GARIN4: variants seen among roughly 807,000 people sequenced by gnomAD.
GARIN4 encodes the protein Golgi-associated RAB2 interactor protein 4.
At chr1:212,626,429 G>T in the GARIN4 span, 1 of 1,614,196 alleles carries the variant, frequency 6.2e-7, no homozygotes, top group Non-Finnish European at 8.5e-7. Flanking sequence ...CACCAGTTCC[G>T]GTTCCAGCAA....
At chr1:212,624,858 C>A in the GARIN4 span, 50 of 1,553,452 alleles carry the variant, frequency 3.2e-5, 1 homozygote, top group Admixed American at 9.1e-4. Context: ...CCAGTGCTGC[C>A]GTTGTGCTGA....
the GARIN4 span, chr1:212,625,634 A>G: frequency 6.2e-7 from 1 of 1,614,196 alleles, no homozygotes; most frequent in Non-Finnish European, 8.5e-7. Context: ...CAAACCCACT[A>G]ATGTGCTCAA....
the GARIN4 span, chr1:212,625,422 G>A: frequency 6.2e-7 from 1 of 1,614,216 alleles, no homozygotes; most frequent in South Asian, 1.1e-5. Context: ...GAGAGTAACA[G>A]CAGTACCTGT....
At chr1:212,624,963 A>T in the GARIN4 span, 3 of 1,614,178 alleles carry the variant, frequency 1.9e-6, no homozygotes, top group African/African-American at 1.3e-5. Flanking sequence ...GGGAAACTGC[A>T]GCGACAACTG....
chr1:212,625,256 G>T, the GARIN4 span: 2 of 1,614,200 alleles, frequency 1.2e-6, no homozygotes, highest in Non-Finnish European at 1.7e-6. Flanking sequence ...CCTGAGGTTT[G>T]TACGGATCTC....
At chr1:212,625,286 C>A in the GARIN4 span, 2 of 1,614,238 alleles carry the variant, frequency 1.2e-6, no homozygotes, top group Non-Finnish European at 1.7e-6. Context: ...CCATGAGAAA[C>A]AACAGCTGCG....
At chr1:212,625,146 G>A in the GARIN4 span, 66 of 1,613,948 alleles carry the variant, frequency 4.1e-5, no homozygotes, top group Non-Finnish European at 5.1e-5. Context: ...CTACTGGCAC[G>A]ACCGGCCACC....
the GARIN4 span, chr1:212,626,407 G>A: frequency 8.7e-6 from 14 of 1,614,104 alleles, no homozygotes; most frequent in African/African-American, 1.3e-5. Flanking sequence ...AATCTGGGAG[G>A]AGCTTATGGA....
chr1:212,625,851 G>A, the GARIN4 span: 1 of 1,614,210 alleles, frequency 6.2e-7, no homozygotes, highest in South Asian at 1.1e-5. Flanking sequence ...GGAAACAAAG[G>A]CAACATGGCC....
chr1:212,625,070 C>G, the GARIN4 span: 1 of 1,614,098 alleles, frequency 6.2e-7, no homozygotes, highest in Non-Finnish European at 8.5e-7. Flanking sequence ...TGTGCACAAC[C>G]GTGTCCGTAT....
At chr1:212,625,272 A>AAC in the GARIN4 span, 1 of 1,614,210 alleles carries the variant, frequency 6.2e-7, no homozygotes, top group Non-Finnish European at 8.5e-7. Flanking sequence ...ATCTCTGTTC[A>AAC]AGACCATGAG....
At chr1:212,625,334 T>C in the GARIN4 span, 6 of 1,614,120 alleles carry the variant, frequency 3.7e-6, no homozygotes, top group Non-Finnish European at 5.1e-6. Context: ...CTATCTGCAA[T>C]TGTGTCCCGC....
the GARIN4 span, chr1:212,626,008 G>T: frequency 6.2e-7 from 1 of 1,614,236 alleles, no homozygotes; most frequent in East Asian, 2.2e-5. Context: ...GAGTAGTACT[G>T]ACCAGCAGGA....
chr1:212,624,578 G>A, the GARIN4 span: 2 of 280,184 alleles, frequency 7.1e-6, no homozygotes, highest in East Asian at 6.3e-5. Context: ...AGGTCAGGGG[G>A]TTAGGTCCAG....
At chr1:212,624,687 C>T in the GARIN4 span, 3 of 1,110,630 alleles carry the variant, frequency 2.7e-6, no homozygotes, top group Non-Finnish European at 3.7e-6. Context: ...ATCCGTGCTC[C>T]CACCCCCACC....
the GARIN4 span, chr1:212,625,783 T>G: frequency 6.2e-7 from 1 of 1,614,112 alleles, no homozygotes; most frequent in Non-Finnish European, 8.5e-7. Context: ...CAGCAGCCAA[T>G]TCTGCCCCTG....
At chr1:212,626,186 T>A in the GARIN4 span, 1 of 1,613,198 alleles carries the variant, frequency 6.2e-7, no homozygotes, top group Non-Finnish European at 8.5e-7. Context: ...CGGAAGGAGT[T>A]CCCATCGCCG....
chr1:212,624,856 G>A, the GARIN4 span: 3 of 1,549,940 alleles, frequency 1.9e-6, no homozygotes, highest in Non-Finnish European at 2.6e-6. Context: ...CACCAGTGCT[G>A]CCGTTGTGCT....
chr1:212,624,982 G>C, the GARIN4 span: 8 of 1,614,046 alleles, frequency 5.0e-6, no homozygotes, highest in Non-Finnish European at 6.8e-6. Flanking sequence ...TGTACAAGGG[G>C]GAGTACGATA....
Sources: gnomAD v4.1 joint callset for allele counts on GRCh38, gnomAD v4.1.1 for gene constraint, MANE v1.5 for transcripts, NCBI Gene and HGNC (gene_info 2026-07-23, HGNC 2026-07-21) for gene names.